SV2C: variants seen among roughly 807,000 people sequenced by gnomAD.
SV2C encodes synaptic vesicle glycoprotein 2C, also known as solute carrier family 22 member B3.
Under a neutral mutation model 79.7 loss-of-function variants are expected in SV2C, and 49 were observed. That is an observed-to-expected ratio of 0.61 (90% confidence interval 0.49 to 0.78). The LOEUF (loss-of-function observed/expected upper bound fraction) is 0.78, where lower values mean the gene tolerates loss of function less well. SV2C is among the 30% of genes least tolerant of loss of function. SV2C has a pLI of 0.00. For missense variants in SV2C, 833 were observed against 912.9 expected, an observed-to-expected ratio of 0.91 and a Z score of 1.13; for synonymous variants, 334 against 333.2, an observed-to-expected ratio of 1.00 and a Z score of -0.03.
chr5:75,969,035 A>G, the SV2C span, among the ~76,000 whole-genome samples: 1 of 152,208 alleles, frequency 6.6e-6, no homozygotes, highest in Non-Finnish European at 1.5e-5. Context: ...ATTCTTAAAC[A>G]AAAGAATTTT....
At chr5:75,983,521 C>T in the SV2C span, among the ~76,000 whole-genome samples, 1 of 150,772 alleles carries the variant, frequency 6.6e-6, no homozygotes, top group Non-Finnish European at 1.5e-5. Flanking sequence ...AATATCTTGT[C>T]TTGTCATTCA....
the SV2C span, among the ~76,000 whole-genome samples, chr5:76,052,918 A>T: frequency 1.3e-5 from 2 of 150,996 alleles, no homozygotes; most frequent in South Asian, 2.1e-4. Flanking sequence ...ATATATTAGT[A>T]TTATGTTAAC....
intron 3 of SV2C, among the ~76,000 whole-genome samples, chr5:76,207,075 C>G (rs940588055): frequency 6.6e-6 from 1 of 151,902 alleles, no homozygotes; most frequent in Non-Finnish European, 1.5e-5. Context: ...CTAGAAGCCC[C>G]TACAAGTTGG....
At chr5:76,176,515 C>T (rs1377090833) in intron 2 of SV2C, among the ~76,000 whole-genome samples, 1 of 152,128 alleles carries the variant, frequency 6.6e-6, no homozygotes, top group Non-Finnish European at 1.5e-5. Context: ...AACCAAATCA[C>T]CCACCACCAC....
chr5:76,224,247 G>A (rs1745176177), intron 4 of SV2C, among the ~76,000 whole-genome samples: 2 of 152,190 alleles, frequency 1.3e-5, no homozygotes, highest in East Asian at 1.9e-4. Flanking sequence ...TTGAAACACG[G>A]ATATCTTTTC....
At position 76,301,549 on chromosome 5, in the gene SV2C, T is replaced by C. The variant is rs1748001774; in HGVS notation, c.2000+4T>C. ...AACTGTACCCCACAGACCGGAGGTA[T>C]GTTGAAATGGGCCTCTAGTAAGAGG... On this transcript the variant is annotated splice_donor_region_variant and intron_variant, in intron 12 of 12. Coordinates refer to ENST00000502798, the MANE Select transcript of SV2C (RefSeq NM_014979.4). 1 of 1,611,162 alleles carries C rather than the reference T, an allele frequency of 6.2e-7. No homozygotes were observed. The highest frequency in any genetic ancestry group is 1.1e-5 in the South Asian group (1 of 90,704).
In SV2C at chr5:76,331,984, G is replaced by A. The variant is rs944071894; in HGVS notation, c.*6437G>A. 3.3e-5 allele frequency: 5 copies of A among 152,352 alleles called. No individual in the cohort carries two copies. Among genetic ancestry groups the A allele is most frequent in the East Asian group, 1.9e-4 (1 of 5,184 alleles). 9.4% of individuals were successfully genotyped at this position (152,352 alleles called of 1,614,324 possible). A position where few individuals can be genotyped will look rare whatever the true frequency, so the allele number is the denominator to read the frequency against. On this transcript the variant is annotated 3_prime_UTR_variant, in exon 13 of 13. Coordinates refer to ENST00000502798, the MANE Select transcript of SV2C (RefSeq NM_014979.4). ...CAGAGCAGAAGTCTGAGAGCTCAGC[G>A]TTTGACTCCTGAAAGACCAGGATGT...
At chr5:76,080,165 T>C (rs1746963546), upstream of SV2C, among the ~76,000 whole-genome samples, 2 of 152,158 alleles carry the variant, frequency 1.3e-5, no homozygotes, top group African/African-American at 2.4e-5. Context: ...TTTCACCCAA[T>C]ATTGACTTAG....
At chr5:75,995,317 G>T in the SV2C span, among the ~76,000 whole-genome samples, 8 of 152,020 alleles carry the variant, frequency 5.3e-5, no homozygotes. Flanking sequence ...GCTCTGGCTT[G>T]CATGTATGAG....
intron 12 of SV2C, among the ~76,000 whole-genome samples, chr5:76,347,038 C>G (rs535174648): frequency 6.6e-6 from 1 of 152,140 alleles, no homozygotes; most frequent in East Asian, 1.9e-4. Flanking sequence ...GGTGAGAACT[C>G]TCATAAAGAA....
the SV2C span, among the ~76,000 whole-genome samples, chr5:75,938,298 G>GTA: frequency 0.56 from 84,505 of 151,824 alleles, 24,144 homozygotes; most frequent in African/African-American, 0.69. Flanking sequence ...AGAACTGCCT[G>GTA]TATATGCTCA....
the SV2C span, among the ~76,000 whole-genome samples, chr5:76,015,725 C>T: frequency 6.6e-6 from 1 of 151,854 alleles, no homozygotes; most frequent in South Asian, 2.1e-4. Flanking sequence ...AGAAATTTCC[C>T]AATAAAATTT....
intron 12 of SV2C, among the ~76,000 whole-genome samples, chr5:76,313,569 C>A (rs1326192468): frequency 6.6e-6 from 1 of 152,154 alleles, no homozygotes; most frequent in Non-Finnish European, 1.5e-5. Context: ...GGAAGTCCAT[C>A]TCGCTGTCCT....
At chr5:76,181,185 C>T (rs143895086) in intron 2 of SV2C, among the ~76,000 whole-genome samples, 124 of 152,276 alleles carry the variant, frequency 8.1e-4, no homozygotes, top group African/African-American at 2.5e-3. Context: ...CCAACAGCTC[C>T]GATCCAACCC....
intron 4 of SV2C, among the ~76,000 whole-genome samples, chr5:76,229,632 C>T (rs994191376): frequency 3.3e-5 from 5 of 152,250 alleles, no homozygotes; most frequent in African/African-American, 1.2e-4. Flanking sequence ...CCTACCATTT[C>T]CTGTTTAGAC....
At chr5:76,033,013 T>C in the SV2C span, among the ~76,000 whole-genome samples, 3 of 152,228 alleles carry the variant, frequency 2.0e-5, no homozygotes, top group Non-Finnish European at 4.4e-5. Flanking sequence ...GTGAGCATTT[T>C]TTCATGTGTT....
intron 4 of SV2C, among the ~76,000 whole-genome samples, chr5:76,249,137 A>G (rs1746035198): frequency 6.6e-6 from 1 of 152,232 alleles, no homozygotes; most frequent in Non-Finnish European, 1.5e-5. Context: ...ACAAGGAGAA[A>G]AGACTTGGAT....
chr5:76,044,473 G>A, the SV2C span, among the ~76,000 whole-genome samples: 1 of 152,164 alleles, frequency 6.6e-6, no homozygotes, highest in East Asian at 1.9e-4. Flanking sequence ...CTAGGTCTTT[G>A]AGGAATCGCC....
the SV2C span, among the ~76,000 whole-genome samples, chr5:75,853,463 G>A: frequency 6.6e-6 from 1 of 150,816 alleles, no homozygotes; most frequent in East Asian, 1.9e-4. Flanking sequence ...AGCTGAGGCA[G>A]GAGAATGGTG....
Sources: allele counts gnomAD v4.1 joint callset (sites outside exome capture counted in the v4.1 genomes callset), GRCh38; gene constraint gnomAD v4.1.1; transcripts MANE v1.5; gene names NCBI Gene and HGNC (gene_info 2026-07-23, HGNC 2026-07-21).